The following PTPRT variants were observed in gnomAD, a reference collection of about 807,000 sequenced individuals.
PTPRT encodes the protein protein tyrosine phosphatase receptor type T, also known as receptor-type tyrosine-protein phosphatase T.
In PTPRT, 56 loss-of-function variants were observed where a neutral mutation model predicts 176.8. The observed-to-expected ratio is 0.32, with a 90% CI of 0.26 to 0.40. PTPRT has a LOEUF of 0.40. PTPRT is among the 10% of genes least tolerant of loss of function. PTPRT has a pLI of 1.00. For synonymous variants in PTPRT, 783 were observed against 739.0 expected, an observed-to-expected ratio of 1.06 and a Z score of -0.96; for missense variants, 1,540 against 1,908.2, an observed-to-expected ratio of 0.81 and a Z score of 3.60.
intron 15 of PTPRT, among the ~76,000 whole-genome samples, chr20:42,207,015 C>G (rs979309543): frequency 6.6e-6 from 1 of 152,168 alleles, no homozygotes; most frequent in Non-Finnish European, 1.5e-5. Flanking sequence ...CTGGGAGGCA[C>G]CCCCCAGCAG....
chr20:42,927,300 G>A (rs1025748454), intron 1 of PTPRT, among the ~76,000 whole-genome samples: 8 of 152,164 alleles, frequency 5.3e-5, no homozygotes, highest in Non-Finnish European at 8.8e-5. Flanking sequence ...GGTGGTGCAC[G>A]CCTGTAATCC....
chr20:42,290,991 T>A (rs2057308247), intron 12 of PTPRT, among the ~76,000 whole-genome samples: 1 of 152,166 alleles, frequency 6.6e-6, no homozygotes, highest in African/African-American at 2.4e-5. Context: ...TTTAATAGGA[T>A]GTAGATTTAA....
chr20:42,350,855 G>A (rs931870389), intron 10 of PTPRT, 125 bp from the exon 11 acceptor site: 1 of 706,482 alleles, frequency 1.4e-6, no homozygotes, highest in Non-Finnish European at 2.4e-6. Flanking sequence ...AAAGGGGTTG[G>A]ATAAGAAGCC....
In PTPRT at chr20:42,219,388, T is replaced by C. The variant is rs145294250; in HGVS notation, c.2342+16841A>G. Among the ~76,000 whole-genome samples the C allele has an allele frequency of 4.6e-5, 7 of 152,260 alleles. No individual in the cohort carries two copies. The East Asian group carries it at 1.2e-3, about 25-fold the overall frequency. On this transcript the variant is annotated intron_variant, in intron 15 of 30. Transcript: ENST00000373187. ...GCCATGTGGGCTATGAAGGGTGTTA[T>C]AATCTCAACACATAGAGCAACTCTC...
chr20:43,167,844 G>A (rs2014894992), intron 1 of PTPRT, among the ~76,000 whole-genome samples: 1 of 152,156 alleles, frequency 6.6e-6, no homozygotes, highest in Non-Finnish European at 1.5e-5. Context: ...TATGAGGTTG[G>A]AAACAGATCC....
chr20:42,397,169 G>A (rs889326351), intron 9 of PTPRT, among the ~76,000 whole-genome samples: 1 of 152,164 alleles, frequency 6.6e-6, no homozygotes, highest in African/African-American at 2.4e-5. Flanking sequence ...CTAGACCTAC[G>A]ATGCGTATTC....
At chr20:42,215,931 G>T (rs1219963772) in intron 15 of PTPRT, among the ~76,000 whole-genome samples, 1 of 152,132 alleles carries the variant, frequency 6.6e-6, no homozygotes, top group Non-Finnish European at 1.5e-5. Context: ...TCTCCTGAAG[G>T]CCTCACCCTT....
the PTPRT span, among the ~76,000 whole-genome samples, chr20:42,033,424 G>A: frequency 3.9e-3 from 599 of 152,200 alleles, 10 homozygotes; most frequent in African/African-American, 0.014. Flanking sequence ...AAGACTTACT[G>A]GACACTGTGC....
At chr20:42,755,119 C>G (rs576672909) in intron 6 of PTPRT, among the ~76,000 whole-genome samples, 1 of 152,032 alleles carries the variant, frequency 6.6e-6, no homozygotes, top group African/African-American at 2.4e-5. Flanking sequence ...GAGGTGTGGG[C>G]GGGGGGTCAG....
chr20:43,033,092 C>A (rs11697664), intron 1 of PTPRT, among the ~76,000 whole-genome samples: 1 of 152,194 alleles, frequency 6.6e-6, no homozygotes, highest in Non-Finnish European at 1.5e-5. Context: ...ACAAATGTCA[C>A]AATAGAGGAC....
chr20:42,299,605 ATGT>A (rs2057429907), intron 12 of PTPRT, among the ~76,000 whole-genome samples: 1 of 134,786 alleles, frequency 7.4e-6, no homozygotes, highest in Non-Finnish European at 1.6e-5. Context: ...AAACTCCTTG[ATGT>A]TGGACTAGAA....
At chr20:42,502,408 ACACACACAC>A (rs2071767294) in intron 7 of PTPRT, among the ~76,000 whole-genome samples, 1 of 42,552 alleles carries the variant, frequency 2.4e-5, no homozygotes, top group African/African-American at 3.8e-4. Context: ...GTATACAAAC[ACACACACAC>A]ACACACACAC....
At chr20:42,527,140 T>C (rs889889438) in intron 7 of PTPRT, among the ~76,000 whole-genome samples, 2 of 151,954 alleles carry the variant, frequency 1.3e-5, no homozygotes, top group African/African-American at 4.8e-5. Flanking sequence ...ATTTTTTGTA[T>C]TTTTAGTAGA....
intron 7 of PTPRT, among the ~76,000 whole-genome samples, chr20:42,523,915 G>C (rs2072222701): frequency 6.6e-6 from 1 of 152,092 alleles, no homozygotes. Context: ...GAGCTCAGGA[G>C]TTGAAGGCTG....
Position 42,163,282 on chromosome 20 carries a change from T to C in PTPRT, c.2492-1740A>G, listed in dbSNP as rs1447153806. Among the ~76,000 whole-genome samples, 4 of 152,320 alleles carry C rather than the reference T, an allele frequency of 2.6e-5. No homozygotes were observed. In the East Asian group the frequency reaches 5.8e-4, roughly 22 times the overall value. ...AGGTAAACATCTCCAAAGGAGAGACTGTCCTTTGGGGACCAGCCAAATAAC... is the reference window on the plus strand; with the variant it reads ...AGGTAAACATCTCCAAAGGAGAGACCGTCCTTTGGGGACCAGCCAAATAAC... On this transcript the variant is annotated intron_variant, in intron 16 of 30. Transcript: ENST00000373187.
At chr20:42,084,567 T>G in intron 29 of PTPRT, 115 bp downstream of exon 29, 8 of 918,366 alleles carry the variant, frequency 8.7e-6, no homozygotes, top group African/African-American at 1.7e-5. Flanking sequence ...TGAGGGATGT[T>G]GAGTTGTGGT....
intron 1 of PTPRT, among the ~76,000 whole-genome samples, chr20:43,073,468 AATAT>A (rs911986089): frequency 1.9e-4 from 16 of 85,274 alleles, no homozygotes; most frequent in Admixed American, 5.8e-4. Context: ...AAAGCACAGG[AATAT>A]ATATATATAC....
At chr20:42,754,946 C>CAT (rs1403298757) in intron 6 of PTPRT, among the ~76,000 whole-genome samples, 1 of 152,104 alleles carries the variant, frequency 6.6e-6, no homozygotes, top group African/African-American at 2.4e-5. Context: ...CAGGGACTTC[C>CAT]AACCCAGCAG....
intron 7 of PTPRT, among the ~76,000 whole-genome samples, chr20:42,673,363 C>T (rs915851106): frequency 2.0e-5 from 3 of 152,208 alleles, no homozygotes; most frequent in African/African-American, 4.8e-5. Context: ...GGAATCCTTA[C>T]AGCAAATTTC....
Sources: gnomAD v4.1 joint callset for allele counts (sites outside exome capture counted in the v4.1 genomes callset) on GRCh38, gnomAD v4.1.1 for gene constraint, MANE v1.5 for transcripts, NCBI Gene and HGNC (gene_info 2026-07-23, HGNC 2026-07-21) for gene names.